Variants in KCND2 observed in about 807,000 individuals in gnomAD.
KCND2 encodes the protein A-type voltage-gated potassium channel KCND2.
A neutral mutation model predicts 54.4 loss-of-function variants in KCND2; 16 were observed. That is an observed-to-expected ratio of 0.29 (90% CI 0.20 to 0.45). The LOEUF (loss-of-function observed/expected upper bound fraction) is 0.45, where lower values mean the gene tolerates loss of function less well. Ranked by LOEUF, KCND2 falls within the 20% of genes least tolerant of loss-of-function variation. KCND2 has a pLI of 1.00. For missense variants in KCND2, 486 were observed against 824.2 expected, an observed-to-expected ratio of 0.59 and a Z score of 5.02; for synonymous variants, 317 against 310.7, an observed-to-expected ratio of 1.02 and a Z score of -0.21.
intron 1 of KCND2, among the ~76,000 whole-genome samples, chr7:120,317,772 A>G (rs1799834457): frequency 6.6e-6 from 1 of 152,186 alleles, no homozygotes; most frequent in Non-Finnish European, 1.5e-5. Flanking sequence ...TGTGTAATTA[A>G]GTGTACTCAT....
intron 1 of KCND2, among the ~76,000 whole-genome samples, chr7:120,323,841 A>G (rs1247710720): frequency 1.0e-5 from 1 of 98,622 alleles, no homozygotes; most frequent in African/African-American, 3.6e-5. Context: ...GTCAAATGGT[A>G]TTTCTAGTTC....
intron 1 of KCND2, among the ~76,000 whole-genome samples, chr7:120,397,796 A>G (rs561268743): frequency 6.6e-6 from 1 of 151,720 alleles, no homozygotes; most frequent in Admixed American, 6.6e-5. Context: ...AAGATATTTC[A>G]GATGTTTTAC....
At chr7:120,307,341 C>CT (rs1799662566) in intron 1 of KCND2, among the ~76,000 whole-genome samples, 1 of 151,818 alleles carries the variant, frequency 6.6e-6, no homozygotes, top group Admixed American at 6.6e-5. Flanking sequence ...CAAATGAGAG[C>CT]TTTTTTGATG....
chr7:120,745,921 A>C lies in KCND2; in HGVS notation c.1609A>C (p.Thr537Pro), dbSNP rs1182507820. The C allele has an allele frequency of 1.2e-6, 2 of 1,613,790 alleles. No individual in the cohort carries two copies. The highest frequency in any genetic ancestry group is 8.5e-7 in the Non-Finnish European group (1 of 1,179,852). ...CTGCTGTTCACGACGACACAAAAAA[A>C]CTTTTCGCATCCCAAATGCCAATGT... ...STCCSRRHKK[T>P]FRIPNANVSG... Residue 537 changes from threonine (T) to proline (P), a missense_variant, in exon 5 of 6, where the codon ACT becomes CCT. This residue lies in a region of KCND2 where 202 missense variants were observed against 252.7 expected (regional missense o/e 0.80). Transcript: ENST00000331113.
intron 1 of KCND2, among the ~76,000 whole-genome samples, chr7:120,622,689 A>ACACTCT (rs1196336587): frequency 2.4e-5 from 3 of 125,944 alleles, no homozygotes; most frequent in Non-Finnish European, 4.8e-5. Context: ...ACACACACAC[A>ACACTCT]CTCTCTCTCT....
At chr7:120,422,608 T>G (rs537625653) in intron 1 of KCND2, among the ~76,000 whole-genome samples, 1 of 152,316 alleles carries the variant, frequency 6.6e-6, no homozygotes, top group Non-Finnish European at 1.5e-5. Context: ...CTTTCCATCC[T>G]GTTTTCTGGA....
chr7:120,470,534 C>T (rs183557278), intron 1 of KCND2, among the ~76,000 whole-genome samples: 27 of 152,136 alleles, frequency 1.8e-4, no homozygotes, highest in African/African-American at 6.3e-4. Context: ...AGGATGTTCT[C>T]CTCCTCCCAG....
chr7:120,738,862 C>G (rs1256533712), intron 2 of KCND2, among the ~76,000 whole-genome samples: 2 of 152,044 alleles, frequency 1.3e-5, no homozygotes, highest in Non-Finnish European at 2.9e-5. Context: ...AATCACAAGT[C>G]ATGAAGGCTA....
At chr7:120,348,055 A>G (rs1487087703) in intron 1 of KCND2, among the ~76,000 whole-genome samples, 1 of 152,156 alleles carries the variant, frequency 6.6e-6, no homozygotes, top group Non-Finnish European at 1.5e-5. Flanking sequence ...ATTTCCTCCC[A>G]GAGACTGCAC....
intron 1 of KCND2, among the ~76,000 whole-genome samples, chr7:120,307,659 T>C (rs1261424641): frequency 1.3e-5 from 2 of 152,132 alleles, no homozygotes; most frequent in Non-Finnish European, 2.9e-5. Flanking sequence ...TATCACAGCA[T>C]GCATTACTCA....
intron 1 of KCND2, among the ~76,000 whole-genome samples, chr7:120,348,052 C>T (rs1196362862): frequency 6.6e-6 from 1 of 152,102 alleles, no homozygotes; most frequent in Non-Finnish European, 1.5e-5. Flanking sequence ...CTAATTTCCT[C>T]CCAGAGACTG....
At chr7:120,535,585 C>G (rs1791895662) in intron 1 of KCND2, among the ~76,000 whole-genome samples, 1 of 152,132 alleles carries the variant, frequency 6.6e-6, no homozygotes, top group Non-Finnish European at 1.5e-5. Flanking sequence ...TTCCCAGAAG[C>G]CTGCCTCCCA....
At chr7:120,414,970 C>T (rs1801504799) in intron 1 of KCND2, among the ~76,000 whole-genome samples, 1 of 152,088 alleles carries the variant, frequency 6.6e-6, no homozygotes, top group African/African-American at 2.4e-5. Flanking sequence ...TTTCCCTTGC[C>T]CCATTAGTTC....
chr7:120,628,914 C>T (rs1325378120), intron 1 of KCND2, among the ~76,000 whole-genome samples: 1 of 152,048 alleles, frequency 6.6e-6, no homozygotes, highest in Admixed American at 6.6e-5. Flanking sequence ...GTCGATGAAA[C>T]CACAGTGAAA....
intron 1 of KCND2, among the ~76,000 whole-genome samples, chr7:120,283,274 C>G (rs1248505190): frequency 1.3e-5 from 2 of 152,024 alleles, no homozygotes; most frequent in African/African-American, 4.8e-5. Context: ...TAGGACTAGA[C>G]TATGTAGGAT....
chr7:120,440,903 T>C (rs754615752), intron 1 of KCND2, among the ~76,000 whole-genome samples: 3 of 152,048 alleles, frequency 2.0e-5, no homozygotes, highest in Non-Finnish European at 4.4e-5. Context: ...TACTCAAAAT[T>C]TGAGACTATC....
chr7:120,624,270 A>G (rs1359769937), intron 1 of KCND2, among the ~76,000 whole-genome samples: 1 of 152,208 alleles, frequency 6.6e-6, no homozygotes, highest in Non-Finnish European at 1.5e-5. Context: ...GAGTATCAGT[A>G]TATTTCCCTC....
intron 1 of KCND2, among the ~76,000 whole-genome samples, chr7:120,436,976 G>T (rs1271011911): frequency 1.3e-5 from 2 of 152,104 alleles, no homozygotes; most frequent in Non-Finnish European, 2.9e-5. Flanking sequence ...CTCTTTCTCA[G>T]TGATGTCACA....
chr7:120,666,672 A>C (rs902622760), intron 1 of KCND2, among the ~76,000 whole-genome samples: 7 of 151,890 alleles, frequency 4.6e-5, no homozygotes, highest in Non-Finnish European at 8.8e-5. Context: ...TCTGGACCCA[A>C]CCCTAAGTTT....
Sources: gnomAD v4.1 joint callset for allele counts (sites outside exome capture counted in the v4.1 genomes callset) on GRCh38, gnomAD v4.1.1 for gene constraint, gnomAD v4.1.1 regional missense constraint, MANE v1.5 for transcripts, NCBI Gene and HGNC (gene_info 2026-07-23, HGNC 2026-07-21) for gene names.